The following GRK3 variants were observed in gnomAD, a reference collection of about 807,000 sequenced individuals.
GRK3 encodes adrenergic, beta, receptor kinase 2.
GRK3 carries 54 observed loss-of-function variants against 95.7 expected under a neutral mutation model. That is an observed-to-expected ratio of 0.56 (90% CI 0.45 to 0.71). GRK3 has a LOEUF of 0.71. GRK3 is among the 30% of genes least tolerant of loss of function. GRK3 has a pLI of 0.00. For missense variants in GRK3, 649 were observed against 851.2 expected (o/e 0.76, Z 2.96); for synonymous variants, 281 against 290.8 (o/e 0.97, Z 0.34).
chr22:25,696,808 G>A (rs1749061455), intron 13 of GRK3, among the ~76,000 whole-genome samples: 1 of 152,208 alleles, frequency 6.6e-6, no homozygotes, highest in Non-Finnish European at 1.5e-5. Context: ...ATCTAAAATT[G>A]TATTATTGCT....
At chr22:25,664,810 T>C (rs894752612) in intron 5 of GRK3, among the ~76,000 whole-genome samples, 5 of 152,200 alleles carry the variant, frequency 3.3e-5, no homozygotes, top group African/African-American at 7.2e-5. Flanking sequence ...TGAGCCACCA[T>C]GCCCGGCCAA....
intron 3 of GRK3, among the ~76,000 whole-genome samples, chr22:25,645,460 C>A (rs2084774198): frequency 6.6e-6 from 1 of 152,126 alleles, no homozygotes. Context: ...ACTAGAGGAG[C>A]CCCACATATG....
intron 5 of GRK3, among the ~76,000 whole-genome samples, chr22:25,665,794 A>G (rs75417577): frequency 7.3e-4 from 111 of 152,358 alleles, no homozygotes; most frequent in African/African-American, 2.6e-3. Flanking sequence ...GTTGAAGTTC[A>G]TAGTAAAACA....
chr22:25,667,490 A>C (rs950606909), intron 5 of GRK3, among the ~76,000 whole-genome samples: 8 of 152,214 alleles, frequency 5.3e-5, no homozygotes, highest in Admixed American at 4.6e-4. Context: ...CAGGAGTCAT[A>C]TTAGGTAGTA....
chr22:25,682,797 C>A (rs1442490810), intron 9 of GRK3, among the ~76,000 whole-genome samples: 1 of 152,204 alleles, frequency 6.6e-6, no homozygotes, highest in African/African-American at 2.4e-5. Flanking sequence ...CGGAAAGTTA[C>A]CAGTATTCTA....
chr22:25,625,269 G>A (rs1011685234), intron 2 of GRK3, among the ~76,000 whole-genome samples: 2 of 152,164 alleles, frequency 1.3e-5, no homozygotes, highest in African/African-American at 4.8e-5. Flanking sequence ...TCATTAGTTT[G>A]TAGCAATTAC....
chr22:25,568,105 A>T (rs193254127), intron 1 of GRK3, among the ~76,000 whole-genome samples: 196 of 152,328 alleles, frequency 1.3e-3, no homozygotes, highest in Middle Eastern at 3.4e-3. Context: ...GGGAGTAGTA[A>T]ACTGTGACCC....
chr22:25,704,076 G>T, intron 14 of GRK3, 33 bp from the exon 15 acceptor site: 1 of 1,532,694 alleles, frequency 6.5e-7, no homozygotes, highest in Non-Finnish European at 9.0e-7. Context: ...TTTCATGAAC[G>T]GATTTTTGAA....
intron 18 of GRK3, among the ~76,000 whole-genome samples, chr22:25,716,096 C>T (rs1040545297): frequency 6.6e-5 from 10 of 152,150 alleles, no homozygotes; most frequent in Admixed American, 2.6e-4. Flanking sequence ...AAGTGATTCT[C>T]CTGCCTCAGC....
intron 2 of GRK3, among the ~76,000 whole-genome samples, chr22:25,621,808 A>T (rs2084588122): frequency 6.6e-6 from 1 of 152,170 alleles, no homozygotes; most frequent in African/African-American, 2.4e-5. Flanking sequence ...AGGTCCCAAG[A>T]TAAACTGGGA....
intron 1 of GRK3, among the ~76,000 whole-genome samples, chr22:25,589,680 T>C (rs1204828189): frequency 4.6e-5 from 7 of 152,300 alleles, no homozygotes; most frequent in East Asian, 1.9e-4. Context: ...GAGTATGAAA[T>C]TGATACAGCC....
At chr22:25,598,795 T>TAGAG (rs2084389395) in intron 1 of GRK3, among the ~76,000 whole-genome samples, 1 of 151,880 alleles carries the variant, frequency 6.6e-6, no homozygotes, top group African/African-American at 2.4e-5. Context: ...AGAGAGAACT[T>TAGAG]AGACTGGTTT....
chr22:25,667,919 T>C, intron 6 of GRK3, 119 bp downstream of exon 6: 1 of 619,496 alleles, frequency 1.6e-6, no homozygotes, highest in Non-Finnish European at 2.9e-6. Context: ...TCACTGACCA[T>C]GTACGATGTG....
At chr22:25,572,956 A>G (rs1464760093) in intron 1 of GRK3, among the ~76,000 whole-genome samples, 1 of 152,208 alleles carries the variant, frequency 6.6e-6, no homozygotes, top group Non-Finnish European at 1.5e-5. Context: ...TCCCTCTCTA[A>G]TATCTAGCCA....
intron 1 of GRK3, among the ~76,000 whole-genome samples, chr22:25,596,842 G>A (rs943753828): frequency 2.0e-5 from 3 of 152,034 alleles, no homozygotes; most frequent in African/African-American, 7.3e-5. Context: ...ATTTATGCAT[G>A]GCCTTCTTTA....
intron 2 of GRK3, among the ~76,000 whole-genome samples, chr22:25,619,720 G>A (rs1298206820): frequency 7.5e-6 from 1 of 132,762 alleles, no homozygotes; most frequent in Non-Finnish European, 1.5e-5. Context: ...TCGAACTCCT[G>A]GCTTCAAGTG....
At chr22:25,565,302 C>T (rs2146305306) in intron 1 of GRK3, 149 bp downstream of exon 1, 1 of 431,162 alleles carries the variant, frequency 2.3e-6, no homozygotes, top group South Asian at 3.3e-5. Flanking sequence ...CCGGCCTCGT[C>T]GTTCCAGTCT....
At chr22:25,573,846 C>T (rs1446801427) in intron 1 of GRK3, among the ~76,000 whole-genome samples, 1 of 152,098 alleles carries the variant, frequency 6.6e-6, no homozygotes, top group Non-Finnish European at 1.5e-5. Context: ...TTGCAGTGAG[C>T]TGAGATCGTG....
In GRK3 at chr22:25,649,122, CTG is replaced by C. The variant is rs1401490674; in HGVS notation, c.264+4461_264+4462del. 35 of 1,515,266 alleles carry C rather than the reference CTG, an allele frequency of 2.3e-5. 1 individual carries two copies. In the Middle Eastern group the frequency reaches 8.5e-4, roughly 37 times the overall value. The allele number at this position is 1,515,266 out of a possible 1,614,324, so 93.9% of individuals were successfully genotyped here. ...AGAATCCCTCCATGAATTGATGAAT[CTG>C]TGTTGGAAGAAGGACCCTGATGAAA... On this transcript the variant is annotated intron_variant, in intron 3 of 20. Coordinates refer to ENST00000324198, the MANE Select transcript of GRK3 (RefSeq NM_005160.4).
Sources: allele counts gnomAD v4.1 joint callset (sites outside exome capture counted in the v4.1 genomes callset), GRCh38; gene constraint gnomAD v4.1.1; transcripts MANE v1.5; gene names NCBI Gene and HGNC (gene_info 2026-07-23, HGNC 2026-07-21).